GSKIP: variants seen among roughly 807,000 people sequenced by gnomAD.
GSKIP encodes the protein GSK3B interacting protein.
In GSKIP, 5 loss-of-function variants were observed where a neutral mutation model predicts 11.9. The ratio of observed to expected loss-of-function variants is 0.42; its 90% CI spans 0.22 to 0.89. The LOEUF is 0.89. GSKIP is among the 40% of genes least tolerant of loss of function. GSKIP has a pLI of 0.29. For missense variants in GSKIP, 150 were observed against 166.6 expected, an observed-to-expected ratio of 0.90 and a Z score of 0.55; for synonymous variants, 70 against 62.9, an observed-to-expected ratio of 1.11 and a Z score of -0.54.
At position 96,385,618 on chromosome 14, in the gene GSKIP, C is replaced by T; in HGVS notation, c.354C>T (p.Tyr118=). The T allele has an allele frequency of 6.2e-7, 1 of 1,613,676 alleles. No individual in the cohort carries two copies. The change falls in exon 4 of 4, where the codon TAC becomes TAT. Residue 118 remains tyrosine, a synonymous_variant. Transcript: ENST00000555181. ...TGTTGGATACACTCAGCCCCGCCTA[C>T]CGAGAAGCATTTGGAAACGCACTGC... is the stretch of plus-strand genomic sequence containing the variant. ...YSLLDTLSPA[Y]REAFGNALLQ...
At chr14:96,368,488 C>A (rs541926609) in intron 1 of GSKIP, among the ~76,000 whole-genome samples, 2 of 152,280 alleles carry the variant, frequency 1.3e-5, no homozygotes, top group South Asian at 4.1e-4. Context: ...TGCTTATTTA[C>A]AGTTTGTAAA....
At chr14:96,375,736 A>G (rs1889182345) in intron 1 of GSKIP, among the ~76,000 whole-genome samples, 1 of 152,122 alleles carries the variant, frequency 6.6e-6, no homozygotes, top group Non-Finnish European at 1.5e-5. Flanking sequence ...CCGGCTTGAA[A>G]TTTATTTCTT....
chr14:96,364,124 G>A (rs896437691), intron 1 of GSKIP: 1 of 152,276 alleles, frequency 6.6e-6, no homozygotes, highest in African/African-American at 2.4e-5. Flanking sequence ...TGAAGAACTT[G>A]GGCTGTTCTG....
chr14:96,379,207 G>C (rs560758731), intron 1 of GSKIP: 4 of 152,486 alleles, frequency 2.6e-5, no homozygotes, highest in East Asian at 3.8e-4. Flanking sequence ...GGGAGGCTGA[G>C]GCGGGAGAAT....
intron 1 of GSKIP, among the ~76,000 whole-genome samples, chr14:96,375,588 C>G (rs1314120604): frequency 6.6e-6 from 1 of 152,078 alleles, no homozygotes; most frequent in African/African-American, 2.4e-5. Flanking sequence ...CATGCACCAC[C>G]ACGCCTGGCT....
At chr14:96,383,154 A>G (rs1330565576) in intron 3 of GSKIP, among the ~76,000 whole-genome samples, 1 of 152,224 alleles carries the variant, frequency 6.6e-6, no homozygotes, top group South Asian at 2.1e-4. Context: ...TCTTACCTGT[A>G]ATCCCAGCAC....
chr14:96,363,883 G>C (rs1272431905), intron 1 of GSKIP: 1 of 152,316 alleles, frequency 6.6e-6, no homozygotes, highest in Non-Finnish European at 1.5e-5. Flanking sequence ...AGCATTGACC[G>C]GTGCCCATTG....
chr14:96,375,465 ACT>A (rs1889173313), intron 1 of GSKIP, among the ~76,000 whole-genome samples: 1 of 146,246 alleles, frequency 6.8e-6, no homozygotes, highest in Non-Finnish European at 1.5e-5. Context: ...ACAGCGTCTC[ACT>A]CTGTTGCCCC....
At chr14:96,368,719 T>C (rs999056129) in intron 1 of GSKIP, among the ~76,000 whole-genome samples, 1 of 152,036 alleles carries the variant, frequency 6.6e-6, no homozygotes, top group Admixed American at 6.6e-5. Context: ...TCTCCCTCCC[T>C]CTCCCCTACT....
chr14:96,372,022 G>A (rs578257611), intron 1 of GSKIP, among the ~76,000 whole-genome samples: 2 of 152,274 alleles, frequency 1.3e-5, no homozygotes, highest in Admixed American at 6.5e-5. Context: ...AACCCTAGAC[G>A]CGTAGGGGTA....
At chr14:96,363,990 T>A (rs78655524) in intron 1 of GSKIP, 1 of 152,332 alleles carries the variant, frequency 6.6e-6, no homozygotes, top group Non-Finnish European at 1.5e-5. Flanking sequence ...GCTTCTCGCA[T>A]ACGCTCGCTT....
At chr14:96,369,335 G>A (rs1291502588) in intron 1 of GSKIP, among the ~76,000 whole-genome samples, 1 of 152,222 alleles carries the variant, frequency 6.6e-6, no homozygotes, top group Non-Finnish European at 1.5e-5. Flanking sequence ...ATGCAGCCTG[G>A]CCTTGTGTTA....
At chr14:96,383,535 A>G (rs181102355) in intron 3 of GSKIP, among the ~76,000 whole-genome samples, 2 of 152,356 alleles carry the variant, frequency 1.3e-5, no homozygotes, top group Admixed American at 1.3e-4. Flanking sequence ...GTGTTTCTAT[A>G]TTTATTCAAA....
chr14:96,366,962 A>T (rs1888903465), intron 1 of GSKIP, among the ~76,000 whole-genome samples: 1 of 152,192 alleles, frequency 6.6e-6, no homozygotes, highest in Admixed American at 6.5e-5. Flanking sequence ...TAACAGGACG[A>T]CGCTGTCAGG....
intron 1 of GSKIP, among the ~76,000 whole-genome samples, chr14:96,378,007 A>G (rs1489948438): frequency 6.6e-6 from 1 of 152,228 alleles, no homozygotes; most frequent in Non-Finnish European, 1.5e-5. Flanking sequence ...CTTCCTTTTA[A>G]GAGAAGCATG....
At chr14:96,366,182 G>A (rs966610185) in intron 1 of GSKIP, among the ~76,000 whole-genome samples, 2 of 152,026 alleles carry the variant, frequency 1.3e-5, no homozygotes, top group Non-Finnish European at 2.9e-5. Flanking sequence ...GCAAAGGTGG[G>A]ATCTTGCAAG....
intron 3 of GSKIP, among the ~76,000 whole-genome samples, chr14:96,383,215 G>T (rs1889397423): frequency 6.6e-6 from 1 of 152,098 alleles, no homozygotes; most frequent in Non-Finnish European, 1.5e-5. Flanking sequence ...TTCAAGACCA[G>T]CCTGGGCAGC....
chr14:96,387,039 T>G lies in GSKIP; in HGVS notation c.*1355T>G, dbSNP rs1889509144. The G allele has an allele frequency of 1.3e-5, 2 of 152,244 alleles. No homozygotes were observed. Among genetic ancestry groups the G allele is most frequent in the African/African-American group, 4.8e-5 (2 of 41,460 alleles). 9.4% of individuals were successfully genotyped at this position (152,244 alleles called of 1,614,324 possible). On this transcript the variant is annotated 3_prime_UTR_variant, in exon 4 of 4. Transcript: ENST00000555181. Reference sequence around the variant, plus strand: ...AAGTTCAGTTTGTGTCACAATTCATTGCCAGACTTCATTGGAATGCTTTGT... The same window carrying G: ...AAGTTCAGTTTGTGTCACAATTCATGGCCAGACTTCATTGGAATGCTTTGT...
rs866128147 is a variant in GSKIP, at chr14:96,385,517, T to A, written c.259-6T>A. ...TAATGAATTCACTGTTGCATTTCTC[T>A]TGTAGGTGGTAGGCTATGCTTTTGA... On this transcript the variant is annotated splice_region_variant and splice_polypyrimidine_tract_variant and intron_variant, in intron 3 of 3. Coordinates refer to ENST00000555181, the MANE Select transcript of GSKIP (RefSeq NM_016472.5). 6.2e-7 allele frequency: 1 copy of A among 1,603,432 alleles called. No homozygotes were observed. The highest frequency in any genetic ancestry group is 2.0e-4 in the Middle Eastern group (1 of 5,088).
Sources: allele counts gnomAD v4.1 joint callset (sites outside exome capture counted in the v4.1 genomes callset), GRCh38; gene constraint gnomAD v4.1.1; transcripts MANE v1.5; gene names NCBI Gene and HGNC (gene_info 2026-07-23, HGNC 2026-07-21).